Variants in COL5A2 observed in about 807,000 individuals in gnomAD.
COL5A2 encodes the protein collagen type V alpha 2 chain.
COL5A2 carries 23 observed loss-of-function variants against 208.2 expected under a neutral mutation model. The ratio of observed to expected loss-of-function variants is 0.11; its 90% confidence interval spans 0.08 to 0.16. COL5A2 has a LOEUF of 0.16. Among genes scored for constraint, COL5A2 ranks in the 10% least tolerant of loss-of-function variants. COL5A2 has a pLI of 1.00. For synonymous variants in COL5A2, 625 were observed against 628.5 expected (o/e 0.99, Z 0.08); for missense variants, 1,590 against 1,956.4 (o/e 0.81, Z 3.53).
the COL5A2 span, among the ~76,000 whole-genome samples, chr2:189,419,023 A>T: frequency 1.3e-5 from 2 of 152,150 alleles, no homozygotes; most frequent in Admixed American, 6.5e-5. Context: ...CCAAACCCCC[A>T]AGGGTAACCC....
At chr2:189,438,143 T>A in the COL5A2 span, among the ~76,000 whole-genome samples, 1 of 151,220 alleles carries the variant, frequency 6.6e-6, no homozygotes, top group African/African-American at 2.4e-5. Context: ...AAGTGAAAAT[T>A]AAAACCACAA....
In COL5A2 at chr2:189,043,221, C is replaced by G; in HGVS notation, c.3401G>C (p.Gly1134Ala). The G allele has an allele frequency of 1.2e-6, 2 of 1,613,874 alleles. No homozygotes were observed. Among genetic ancestry groups the G allele is most frequent in the Non-Finnish European group, 8.5e-7 (1 of 1,179,848 alleles). Residue 1134 changes from glycine (G) to alanine (A), a missense_variant, in exon 48 of 54, where the codon GGA becomes GCA. By Grantham distance (60) the Gly-to-Ala change is moderately conservative. Transcript: ENST00000374866. ...CTTCTGACCTCTGTCACCTCGGTCTCCATGATCACCTTTGTCACCACGAGG... is the reference window on the plus strand; with the variant it reads ...CTTCTGACCTCTGTCACCTCGGTCTGCATGATCACCTTTGTCACCACGAGG... ...QGPRGDKGDH[G>A]DRGDRGQKGH...
At chr2:189,370,865 C>T in the COL5A2 span, among the ~76,000 whole-genome samples, 1 of 151,974 alleles carries the variant, frequency 6.6e-6, no homozygotes, top group South Asian at 2.1e-4. Context: ...CTAGTATGTG[C>T]TAAAAAAAAG....
At chr2:189,409,616 C>T in the COL5A2 span, among the ~76,000 whole-genome samples, 1 of 152,186 alleles carries the variant, frequency 6.6e-6, no homozygotes, top group Non-Finnish European at 1.5e-5. Context: ...AGAACTACTA[C>T]TTAATTTCTT....
Position 189,095,640 on chromosome 2 carries a change from G to A in COL5A2, c.456+1637C>T, listed in dbSNP as rs1411193668. 1.3e-5 allele frequency among the ~76,000 whole-genome samples: 2 copies of A among 152,266 alleles called. 1 individual carries two copies. Among genetic ancestry groups the A allele is most frequent in the Admixed American group, 1.3e-4 (2 of 15,288 alleles). On this transcript the variant is annotated intron_variant, in intron 6 of 53. Transcript: ENST00000374866. The stretch of plus-strand genomic sequence containing the variant: ...GAAAATAAGTGAGAAGGGTTGGGGA[G>A]TAGATTCTTTGGATCTTAACCAGGA...
chr2:189,213,932 T>G (rs1689247263), intron 1 of COL5A2, among the ~76,000 whole-genome samples: 2 of 152,200 alleles, frequency 1.3e-5, no homozygotes, highest in Admixed American at 6.5e-5. Flanking sequence ...CTATTTGCCT[T>G]ATTATATTTC....
intron 1 of COL5A2, among the ~76,000 whole-genome samples, chr2:189,199,972 G>A (rs1012993002): frequency 3.2e-4 from 49 of 152,266 alleles, no homozygotes; most frequent in African/African-American, 1.2e-3. Flanking sequence ...GGATTGAAAG[G>A]CAGAAAGAGA....
chr2:189,311,687 A>G, the COL5A2 span: 1 of 751,566 alleles, frequency 1.3e-6, no homozygotes, highest in East Asian at 2.5e-5. Context: ...AGCAGCTCCA[A>G]CCTCAGTGGA....
At chr2:189,379,295 T>G in the COL5A2 span, among the ~76,000 whole-genome samples, 1 of 152,232 alleles carries the variant, frequency 6.6e-6, no homozygotes, top group South Asian at 2.1e-4. Context: ...GTAGTTTTAC[T>G]GAAATTCCTA....
chr2:189,145,778 G>A (rs1190566281), intron 1 of COL5A2, among the ~76,000 whole-genome samples: 1 of 151,976 alleles, frequency 6.6e-6, no homozygotes, highest in African/African-American at 2.4e-5. Context: ...TATGAGATAA[G>A]GCATAATTAT....
At chr2:189,378,653 G>A in the COL5A2 span, among the ~76,000 whole-genome samples, 1 of 151,908 alleles carries the variant, frequency 6.6e-6, no homozygotes, top group Non-Finnish European at 1.5e-5. Flanking sequence ...GAACCCAGGA[G>A]GCGGAGCTTG....
the COL5A2 span, among the ~76,000 whole-genome samples, chr2:189,384,931 T>C: frequency 3.9e-5 from 6 of 152,218 alleles, no homozygotes; most frequent in African/African-American, 1.4e-4. Context: ...TAAATTCATA[T>C]TAAACATCCA....
chr2:189,420,421 C>T, the COL5A2 span, among the ~76,000 whole-genome samples: 146 of 152,184 alleles, frequency 9.6e-4, 2 homozygotes, highest in African/African-American at 3.2e-3. Flanking sequence ...AAAATACAGG[C>T]ATGAAAATAA....
chr2:189,269,924 T>C, the COL5A2 span, among the ~76,000 whole-genome samples: 8 of 152,308 alleles, frequency 5.3e-5, no homozygotes, highest in Middle Eastern at 6.8e-3. Flanking sequence ...TTGTTATTGG[T>C]CTATTCAGGG....
At chr2:189,250,712 C>A in the COL5A2 span, among the ~76,000 whole-genome samples, 3 of 152,096 alleles carry the variant, frequency 2.0e-5, no homozygotes, top group African/African-American at 4.8e-5. Context: ...AACCTTGATT[C>A]TTAACTGTCC....
At chr2:189,256,794 A>T in the COL5A2 span, among the ~76,000 whole-genome samples, 5 of 151,968 alleles carry the variant, frequency 3.3e-5, no homozygotes, top group African/African-American at 1.2e-4. Context: ...TGCCCAGCTA[A>T]TTTTTTTGTA....
At chr2:189,122,712 G>T (rs1280468140) in intron 1 of COL5A2, among the ~76,000 whole-genome samples, 5 of 152,118 alleles carry the variant, frequency 3.3e-5, no homozygotes, top group African/African-American at 1.2e-4. Flanking sequence ...GTGTATTAAA[G>T]TGCCTGATAC....
In COL5A2 at chr2:189,066,785, GA is replaced by G. The variant is rs766817139; in HGVS notation, c.1402-4del. The G allele has an allele frequency of 1.2e-6, 2 of 1,610,972 alleles. No homozygotes were observed. Among genetic ancestry groups the G allele is most frequent in the South Asian group, 1.1e-5 (1 of 91,018 alleles). ...AAACCTGGAACTCCTGGATCACCCTGAAAAAAATATATTGATATTTGTAAGA... is the reference window on the plus strand; with the variant it reads ...AAACCTGGAACTCCTGGATCACCCTGAAAAAATATATTGATATTTGTAAGA... On this transcript the variant is annotated splice_region_variant and splice_polypyrimidine_tract_variant and intron_variant, in intron 21 of 53. Coordinates refer to ENST00000374866, the MANE Select transcript of COL5A2 (RefSeq NM_000393.5).
At chr2:189,176,844 G>T (rs544308315) in intron 1 of COL5A2, among the ~76,000 whole-genome samples, 5 of 151,748 alleles carry the variant, frequency 3.3e-5, no homozygotes, top group Non-Finnish European at 5.9e-5. Context: ...TTTTTGTTAC[G>T]TTAGTTTTAA....
Sources: allele counts gnomAD v4.1 joint callset (sites outside exome capture counted in the v4.1 genomes callset), GRCh38; gene constraint gnomAD v4.1.1; transcripts MANE v1.5; gene names NCBI Gene and HGNC (gene_info 2026-07-23, HGNC 2026-07-21).